PTPN12: variants seen among roughly 807,000 people sequenced by gnomAD.
The protein encoded by PTPN12 is protein tyrosine phosphatase non-receptor type 12.
A neutral mutation model predicts 97.6 loss-of-function variants in PTPN12; 29 were observed. The observed-to-expected ratio is 0.30, with a 90% CI of 0.22 to 0.41. PTPN12 has a LOEUF of 0.41. PTPN12 is among the 10% of genes least tolerant of loss of function. The pLI, the probability that PTPN12 is intolerant of heterozygous loss-of-function variation, is 1.00. For synonymous variants in PTPN12, 327 were observed against 300.4 expected, an observed-to-expected ratio of 1.09 and a Z score of -0.91; for missense variants, 819 against 926.0, an observed-to-expected ratio of 0.88 and a Z score of 1.50.
chr7:77,639,360 T>C lies in PTPN12; in HGVS notation c.*80T>C, dbSNP rs1789718823. Reference sequence around the variant, plus strand: ...AAGCCAGATTTATAGTATTCCATCTTTAATATGTGGGACTAACAGCAGTGT... The same window carrying C: ...AAGCCAGATTTATAGTATTCCATCTCTAATATGTGGGACTAACAGCAGTGT... On this transcript the variant is annotated 3_prime_UTR_variant, in exon 18 of 18. Transcript: ENST00000248594. The C allele has an allele frequency of 2.5e-6, 3 of 1,187,414 alleles. No homozygotes were observed. The highest frequency in any genetic ancestry group is 3.7e-6 in the Non-Finnish European group (3 of 813,674). 73.6% of individuals were successfully genotyped at this position (1,187,414 alleles called of 1,614,324 possible).
intron 1 of PTPN12, among the ~76,000 whole-genome samples, chr7:77,563,616 A>C (rs1808093295): frequency 6.6e-6 from 1 of 152,218 alleles, no homozygotes. Context: ...TGAGCAAAGC[A>C]CAGAATCATT....
chr7:77,631,410 T>C (rs1261619940), intron 13 of PTPN12, among the ~76,000 whole-genome samples: 2 of 152,352 alleles, frequency 1.3e-5, no homozygotes, highest in East Asian at 1.9e-4. Context: ...CAGAGTATCA[T>C]GGCAGAACTG....
chr7:77,609,403 CT>C (rs1788485402), intron 9 of PTPN12, among the ~76,000 whole-genome samples: 1 of 150,708 alleles, frequency 6.6e-6, no homozygotes, highest in African/African-American at 2.4e-5. Flanking sequence ...TCCCGAGTAG[CT>C]GGGATTACAT....
At chr7:77,567,960 T>C (rs1236075846) in intron 1 of PTPN12, among the ~76,000 whole-genome samples, 1 of 152,216 alleles carries the variant, frequency 6.6e-6, no homozygotes, top group Non-Finnish European at 1.5e-5. Context: ...TTAATTTATG[T>C]AGCTTACTAT....
chr7:77,579,980 T>C (rs1325847036), intron 2 of PTPN12, among the ~76,000 whole-genome samples: 1 of 152,256 alleles, frequency 6.6e-6, no homozygotes, highest in Non-Finnish European at 1.5e-5. Context: ...GTTTCATACC[T>C]TTTAGAAGGC....
chr7:77,621,533 G>T (rs1788937646), intron 12 of PTPN12, among the ~76,000 whole-genome samples: 1 of 152,148 alleles, frequency 6.6e-6, no homozygotes, highest in East Asian at 1.9e-4. Context: ...GCTGGGCGTT[G>T]TGGCGGGCAC....
chr7:77,628,428 A>C (rs1003989821), intron 13 of PTPN12, among the ~76,000 whole-genome samples: 1 of 152,194 alleles, frequency 6.6e-6, no homozygotes, highest in African/African-American at 2.4e-5. Flanking sequence ...GAGAGTAAAC[A>C]TATAAATTTG....
intron 12 of PTPN12, among the ~76,000 whole-genome samples, chr7:77,625,508 T>TCGCTCGCG (rs1789125333): frequency 2.8e-5 from 3 of 108,958 alleles, no homozygotes; most frequent in Admixed American, 1.0e-4. Flanking sequence ...TCTCTCTCTC[T>TCGCTCGCG]CTCTCTCTCT....
intron 11 of PTPN12, among the ~76,000 whole-genome samples, chr7:77,615,772 C>T (rs1451662021): frequency 6.6e-6 from 1 of 152,086 alleles, no homozygotes; most frequent in Non-Finnish European, 1.5e-5. Flanking sequence ...ATTGCTTCAG[C>T]AAGTTGTATA....
intron 5 of PTPN12, among the ~76,000 whole-genome samples, chr7:77,588,619 G>A (rs566505788): frequency 1.3e-5 from 2 of 152,240 alleles, no homozygotes; most frequent in African/African-American, 4.8e-5. Context: ...TTGGTGCAGG[G>A]TTGCCACAAA....
chr7:77,625,472 G>GCTCTCTCTCTCTCTCTCT (rs775712037), intron 12 of PTPN12, among the ~76,000 whole-genome samples: 58 of 33,496 alleles, frequency 1.7e-3, no homozygotes, highest in South Asian at 2.8e-3. Context: ...CAGGCTGCTC[G>GCTCTCTCTCTCTCTCTCT]CTCTCTCTCT....
Position 77,564,753 on chromosome 7 carries a change from T to TG in PTPN12, c.100-6325_100-6324insG, listed in dbSNP as rs1562715116. 1.8e-3 allele frequency among the ~76,000 whole-genome samples: 146 copies of TG among 81,602 alleles called. 4 individuals carry two copies. Among genetic ancestry groups the TG allele is most frequent in the Admixed American group, 4.1e-3 (31 of 7,540 alleles). The allele number at this position is 81,602 out of a possible 152,430, so 53.5% of individuals were successfully genotyped here. A position where few individuals can be genotyped will look rare whatever the true frequency, so the allele number is the denominator to read the frequency against. On this transcript the variant is annotated intron_variant, in intron 1 of 17. Transcript: ENST00000248594. The stretch of plus-strand genomic sequence containing the variant: ...GTTGTTTTTTGTTGTCGTGTTTTTT[T>TG]TTTTTTTTTTTTTTTTTTTTTTTGA...
At chr7:77,597,807 T>A (rs758822800) in intron 6 of PTPN12, 35 bp from the exon 7 acceptor site, 61 of 1,592,636 alleles carry the variant, frequency 3.8e-5, no homozygotes, top group South Asian at 2.1e-4. Context: ...TGTTTTAACG[T>A]TTTCACTGAC....
intron 13 of PTPN12, among the ~76,000 whole-genome samples, chr7:77,630,938 T>G (rs1014312762): frequency 6.6e-6 from 1 of 152,152 alleles, no homozygotes; most frequent in African/African-American, 2.4e-5. Context: ...AGGGCCACGC[T>G]TAGAAAATAA....
At chr7:77,581,136 A>G (rs1787504481) in intron 2 of PTPN12, among the ~76,000 whole-genome samples, 2 of 152,104 alleles carry the variant, frequency 1.3e-5, no homozygotes, top group African/African-American at 2.4e-5. Context: ...GCAGTGGCGC[A>G]ATCTTGGCTC....
chr7:77,546,998 C>G (rs1235637754), intron 1 of PTPN12, among the ~76,000 whole-genome samples: 1 of 152,198 alleles, frequency 6.6e-6, no homozygotes, highest in South Asian at 2.1e-4. Flanking sequence ...ATGATAATCT[C>G]AGAGGCTTTG....
intron 12 of PTPN12, among the ~76,000 whole-genome samples, chr7:77,622,803 A>G (rs146525383): frequency 1.3e-3 from 188 of 147,598 alleles, no homozygotes; most frequent in African/African-American, 4.3e-3. Context: ...TTAAAATACT[A>G]TAAATTTAAA....
chr7:77,560,279 C>T lies in PTPN12; in HGVS notation c.100-10799C>T, dbSNP rs149796929. The stretch of plus-strand genomic sequence containing the variant: ...CTGGTAATCTGAGACACTTTAATGG[C>T]GCTTGCCTGCAACTAGCTGTTCTTT... On this transcript the variant is annotated intron_variant, in intron 1 of 17. Transcript: ENST00000248594. 5.9e-5 allele frequency among the ~76,000 whole-genome samples: 9 copies of T among 152,230 alleles called. No homozygotes were observed. In the East Asian group the frequency reaches 9.7e-4, roughly 16 times the overall value.
intron 6 of PTPN12, among the ~76,000 whole-genome samples, chr7:77,594,341 G>A (rs1471033987): frequency 6.6e-6 from 1 of 152,032 alleles, no homozygotes; most frequent in East Asian, 1.9e-4. Flanking sequence ...CTTTTATTTG[G>A]CTTGAATAAT....
Sources: gnomAD v4.1 joint callset for allele counts (sites outside exome capture counted in the v4.1 genomes callset) on GRCh38, gnomAD v4.1.1 for gene constraint, MANE v1.5 for transcripts, NCBI Gene and HGNC (gene_info 2026-07-23, HGNC 2026-07-21) for gene names.